Variants in TOMM40L observed in about 807,000 individuals in gnomAD.
TOMM40L encodes mitochondrial import receptor subunit TOM40B.
Under a neutral mutation model 38.3 loss-of-function variants are expected in TOMM40L, and 17 were observed. That is an observed-to-expected ratio of 0.44 (90% CI 0.30 to 0.67). The LOEUF is 0.67. TOMM40L is among the 30% of genes least tolerant of loss of function. The probability of loss-of-function intolerance (pLI) is 0.08; values close to 1 mark genes in which losing one functional copy is unlikely to be tolerated. For synonymous variants in TOMM40L, 151 were observed against 150.2 expected, an observed-to-expected ratio of 1.01 and a Z score of -0.04; for missense variants, 294 against 390.0, an observed-to-expected ratio of 0.75 and a Z score of 2.07.
chr1:161,227,352 T>C lies in TOMM40L; in HGVS notation c.276+2T>C, dbSNP rs1571644893. ...GATTGGCAGCTCAGTCCCACTGAGGTGAGGGCTCCACACACCTGGGTCATC... is the reference window on the plus strand; with the variant it reads ...GATTGGCAGCTCAGTCCCACTGAGGCGAGGGCTCCACACACCTGGGTCATC... On this transcript the variant is annotated splice_donor_variant, in intron 4 of 9. Coordinates refer to ENST00000367988, the MANE Select transcript of TOMM40L (RefSeq NM_032174.6). LOFTEE classifies it high-confidence loss of function. 1 of 1,613,678 alleles carries C rather than the reference T, an allele frequency of 6.2e-7. No individual in the cohort carries two copies.
chr1:161,228,306 C>A lies in TOMM40L; in HGVS notation c.605C>A (p.Ser202Ter). The A allele has an allele frequency of 6.2e-7, 1 of 1,605,760 alleles. No homozygotes were observed. Among genetic ancestry groups the A allele is most frequent in the Non-Finnish European group, 8.5e-7 (1 of 1,174,612 alleles). ...GAILTLAGKY[S>*]AVHWVATLNV... The stretch of plus-strand genomic sequence containing the variant: ...ATCTTGACACTGGCTGGGAAGTACT[C>A]GGGTATGGGGCGAAGTGAAGTAGTG... Residue 202 changes from serine (S) to a stop codon, truncating the protein, a stop_gained and splice_region_variant, in exon 7 of 10, where the codon TCG becomes TAG. Coordinates refer to ENST00000367988, the MANE Select transcript of TOMM40L (RefSeq NM_032174.6). LOFTEE classifies it high-confidence loss of function.
chr1:161,228,323 GA>G lies in TOMM40L; in HGVS notation c.607+17del. The G allele has an allele frequency of 6.2e-7, 1 of 1,608,114 alleles. No homozygotes were observed. The highest frequency in any genetic ancestry group is 8.5e-7 in the Non-Finnish European group (1 of 1,175,718). On this transcript the variant is annotated intron_variant, in intron 7 of 9. Transcript: ENST00000367988. Reference sequence around the variant, plus strand: ...GAAGTACTCGGGTATGGGGCGAAGTGAAGTAGTGGTGGTGGTGGGGGGCAAT... The same window carrying G: ...GAAGTACTCGGGTATGGGGCGAAGTGAGTAGTGGTGGTGGTGGGGGGCAAT...
chr1:161,226,369 C>T lies in TOMM40L; in HGVS notation c.-121C>T. 1 of 801,824 alleles carries T rather than the reference C, an allele frequency of 1.2e-6. No individual in the cohort carries two copies. Among genetic ancestry groups the T allele is most frequent in the Admixed American group, 2.6e-5 (1 of 37,802 alleles). The allele number at this position is 801,824 out of a possible 1,614,324, so 49.7% of individuals were successfully genotyped here. A position where few individuals can be genotyped will look rare whatever the true frequency, so the allele number is the denominator to read the frequency against. On this transcript the variant is annotated 5_prime_UTR_variant, in exon 2 of 10. Coordinates refer to ENST00000367988, the MANE Select transcript of TOMM40L (RefSeq NM_032174.6). ...TCCTGTTCCAGGTGTAGCGTCGGAC[C>T]ATGTGGAAGTTTCTGAGGCTGGGGA...
chr1:161,228,570 C>G, intron 8 of TOMM40L, 66 bp downstream of exon 8: 2 of 1,586,562 alleles, frequency 1.3e-6, no homozygotes, highest in East Asian at 4.5e-5. Context: ...TCATCTGGAC[C>G]TCTATCGCCC....
At chr1:161,226,740 C>G (rs1666371781) in intron 2 of TOMM40L, 136 bp downstream of exon 2, 2 of 1,255,658 alleles carry the variant, frequency 1.6e-6, no homozygotes, top group African/African-American at 3.0e-5. Flanking sequence ...GGATCAGGTG[C>G]CCAAATGAAG....
At chr1:161,226,222 G>A (rs1460378512) in intron 1 of TOMM40L, 86 bp downstream of exon 1, 1 of 416,376 alleles carries the variant, frequency 2.4e-6, no homozygotes, top group African/African-American at 2.0e-5. Flanking sequence ...GAAGTCTGTG[G>A]TGGGGGCTAG....
chr1:161,229,626 T>C lies in TOMM40L; in HGVS notation c.*531T>C. 1 of 1,610,126 alleles carries C rather than the reference T, an allele frequency of 6.2e-7. No homozygotes were observed. The highest frequency in any genetic ancestry group is 1.1e-5 in the South Asian group (1 of 90,674). ...CTTCCAGAGAACAACTTTGTTCCTA[T>C]GGTCACCCCCACTATCCCCATGACC... On this transcript the variant is annotated 3_prime_UTR_variant, in exon 10 of 10. Coordinates refer to ENST00000367988, the MANE Select transcript of TOMM40L (RefSeq NM_032174.6).
rs74124676 is a variant in TOMM40L at position 161,227,998 on chromosome 1, C to G, written c.484+9C>G. 4.7e-3 allele frequency: 7,569 copies of G among 1,613,354 alleles called. 316 individuals are homozygous for G. In the African/African-American group the frequency reaches 0.09, roughly 19 times the overall value. On this transcript the variant is annotated intron_variant, in intron 6 of 9. Transcript: ENST00000367988. ...CCTGATTGGGGAGTCGGGTGAGGAA[C>G]TGGGACAGGGTTCTTTTTATCTTGG...
At chr1:161,227,479 G>T in intron 4 of TOMM40L, 129 bp downstream of exon 4, 1 of 1,077,890 alleles carries the variant, frequency 9.3e-7, no homozygotes, top group South Asian at 1.4e-5. Flanking sequence ...TTTTCTGAAT[G>T]AGAGAGGGTA....
Position 161,230,101 on chromosome 1 carries a change from G to T in TOMM40L, c.*1006G>T. On this transcript the variant is annotated 3_prime_UTR_variant, in exon 10 of 10. Transcript: ENST00000367988. ...CAGAGGTTCCAAAGGTCCTCCAGGGGGCCTCGGTCTGACACTGTCTTCTCT... is the reference window on the plus strand; with the variant it reads ...CAGAGGTTCCAAAGGTCCTCCAGGGTGCCTCGGTCTGACACTGTCTTCTCT... The T allele has an allele frequency of 2.8e-6, 2 of 708,980 alleles. No homozygotes were observed. The highest frequency in any genetic ancestry group is 4.6e-6 in the Non-Finnish European group (2 of 438,050). The allele number at this position is 708,980 out of a possible 1,614,324, so 43.9% of individuals were successfully genotyped here. A position where few individuals can be genotyped will look rare whatever the true frequency, so the allele number is the denominator to read the frequency against.
Position 161,228,205 on chromosome 1 carries a change from C to A in TOMM40L, c.504C>A (p.Phe168Leu). 6.3e-7 allele frequency: 1 copy of A among 1,598,188 alleles called. No homozygotes were observed. Among genetic ancestry groups the A allele is most frequent in the Non-Finnish European group, 8.5e-7 (1 of 1,170,812 alleles). Residue 168 changes from phenylalanine to leucine, a missense_variant, in exon 7 of 10, where the codon TTC becomes TTA. Phe to Leu is a conservative substitution (Grantham distance 22, BLOSUM62 0). Coordinates refer to ENST00000367988, the MANE Select transcript of TOMM40L (RefSeq NM_032174.6). ...CCACAGTGATCATGGTTGCTCACTT[C>A]CTGCAGAGCCTCACTCATCGGCTGG... ...IGESVIMVAH[F>L]LQSLTHRLVL...
At position 161,228,331 on chromosome 1, in the gene TOMM40L, G is replaced by A. The variant is rs372859200; in HGVS notation, c.607+23G>A. ...CGGGTATGGGGCGAAGTGAAGTAGT[G>A]GTGGTGGTGGGGGGCAATTCTGGAC... On this transcript the variant is annotated intron_variant, in intron 7 of 9. Transcript: ENST00000367988. 1.5e-5 allele frequency: 24 copies of A among 1,605,412 alleles called. No homozygotes were observed. In the African/African-American group the frequency reaches 2.9e-4, roughly 20 times the overall value.
In TOMM40L at chr1:161,229,890, C is replaced by T. The variant is rs745800174; in HGVS notation, c.*795C>T. ...CGTAGGCCTCATTAATGCTCCGGAG[C>T]TCAGCCAGCAGGCCTAGCAACTTCG... On this transcript the variant is annotated 3_prime_UTR_variant, in exon 10 of 10. Coordinates refer to ENST00000367988, the MANE Select transcript of TOMM40L (RefSeq NM_032174.6). The T allele has an allele frequency of 6.2e-7, 1 of 1,614,190 alleles. No individual in the cohort carries two copies. The highest frequency in any genetic ancestry group is 2.2e-5 in the East Asian group (1 of 44,884).
Position 161,228,246 on chromosome 1 carries a change from T to A in TOMM40L, c.545T>A (p.Leu182Gln). Residue 182 changes from leucine (L) to glutamine (Q), a missense_variant, in exon 7 of 10, where the codon CTA (leucine) becomes CAA (glutamine). By Grantham distance (113) the Leu-to-Gln change is moderately radical. Coordinates refer to ENST00000367988, the MANE Select transcript of TOMM40L (RefSeq NM_032174.6). ...LTHRLVLGGE[L>Q]VYHRRPGEEG... ...CATCGGCTGGTGCTGGGAGGAGAGC[T>A]AGTTTATCACCGGCGGCCAGGCGAA... 6.2e-7 allele frequency: 1 copy of A among 1,607,976 alleles called. No individual in the cohort carries two copies. The highest frequency in any genetic ancestry group is 8.5e-7 in the Non-Finnish European group (1 of 1,176,364).
intron 7 of TOMM40L, 45 bp downstream of exon 7, chr1:161,228,353 G>A (rs1389525713): frequency 1.2e-6 from 2 of 1,610,866 alleles, no homozygotes; most frequent in Non-Finnish European, 1.7e-6. Flanking sequence ...GGGCAATTCT[G>A]GACTTTTCTG....
Position 161,227,289 on chromosome 1 carries a change from G to T in TOMM40L, c.215G>T (p.Gly72Val), listed in dbSNP as rs1188079223. 2 of 1,614,138 alleles carry T rather than the reference G, an allele frequency of 1.2e-6. No homozygotes were observed. Among genetic ancestry groups the T allele is most frequent in the Non-Finnish European group, 1.7e-6 (2 of 1,180,030 alleles). Reference sequence around the variant, plus strand: ...CACACTATACACATGAGTGCCCTGGGCTTGCCGGGATATCACCTCCATGCG... The same window carrying T: ...CACACTATACACATGAGTGCCCTGGTCTTGCCGGGATATCACCTCCATGCG... ...VAHTIHMSALGLPGYHLHAAY... is the reference protein window; with the variant it reads ...VAHTIHMSALVLPGYHLHAAY... Residue 72 changes from glycine to valine, a missense_variant, in exon 4 of 10, where the codon GGC becomes GTC. Coordinates refer to ENST00000367988, the MANE Select transcript of TOMM40L (RefSeq NM_032174.6).
At position 161,230,725 on chromosome 1, in the gene TOMM40L, A is replaced by C. The variant is rs948780489; in HGVS notation, c.*1630A>C. The C allele has an allele frequency of 3.8e-6, 6 of 1,568,340 alleles. No homozygotes were observed. The highest frequency in any genetic ancestry group is 5.2e-6 in the Non-Finnish European group (6 of 1,147,244). On this transcript the variant is annotated 3_prime_UTR_variant, in exon 10 of 10. Transcript: ENST00000367988. ...TACCTGAATTCCCTAAGGAAAGGAC[A>C]GTAAAAAAACATTCCTCCCAAGCTC...
chr1:161,230,644 G>T lies in TOMM40L; in HGVS notation c.*1549G>T. The T allele has an allele frequency of 2.4e-6, 2 of 839,062 alleles. No individual in the cohort carries two copies. The highest frequency in any genetic ancestry group is 3.6e-6 in the Non-Finnish European group (2 of 548,288). The allele number at this position is 839,062 out of a possible 1,614,324, so 52.0% of individuals were successfully genotyped here. On this transcript the variant is annotated 3_prime_UTR_variant, in exon 10 of 10. Coordinates refer to ENST00000367988, the MANE Select transcript of TOMM40L (RefSeq NM_032174.6). The stretch of plus-strand genomic sequence containing the variant: ...CAGCAGTATCCAAATACAGCAATTT[G>T]GATGCTGAAACGATGTGAGACAGGG...
chr1:161,230,186 AGACTTGG>A lies in TOMM40L; in HGVS notation c.*1092_*1098del. 1 of 468,512 alleles carries A rather than the reference AGACTTGG, an allele frequency of 2.1e-6. No homozygotes were observed. The allele number at this position is 468,512 out of a possible 1,614,324, so 29.0% of individuals were successfully genotyped here. A position where few individuals can be genotyped will look rare whatever the true frequency, so the allele number is the denominator to read the frequency against. On this transcript the variant is annotated 3_prime_UTR_variant, in exon 10 of 10. Coordinates refer to ENST00000367988, the MANE Select transcript of TOMM40L (RefSeq NM_032174.6). ...GAGAGCCGAGTGTGAAGAAAGCTCC[AGACTTGG>A]CCAGAACTCCAACCATGTGGAATCT...
Sources: gnomAD v4.1 joint callset for allele counts on GRCh38, gnomAD v4.1.1 for gene constraint, MANE v1.5 for transcripts, NCBI Gene and HGNC (gene_info 2026-07-23, HGNC 2026-07-21) for gene names.